CFAP69: variants seen among roughly 807,000 people sequenced by gnomAD.
The protein encoded by CFAP69 is cilia- and flagella-associated protein 69.
A neutral mutation model predicts 123.0 loss-of-function variants in CFAP69; 92 were observed. The ratio of observed to expected loss-of-function variants is 0.75; its 90% CI spans 0.63 to 0.89. CFAP69 has a LOEUF of 0.89. Among genes scored for constraint, CFAP69 ranks in the 40% least tolerant of loss-of-function variants. CFAP69 has a pLI of 0.00. For synonymous variants in CFAP69, 380 were observed against 364.3 expected (o/e 1.04, Z -0.49); for missense variants, 1,067 against 1,096.9 (o/e 0.97, Z 0.39).
chr7:90,310,170 G>A lies in CFAP69; in HGVS notation c.2758G>A (p.Gly920Arg), dbSNP rs1232008916. The A allele has an allele frequency of 1.2e-5, 20 of 1,613,818 alleles. No individual in the cohort carries two copies. Among genetic ancestry groups the A allele is most frequent in the South Asian group, 3.3e-5 (3 of 91,070 alleles). ...DIALKKLPIR[G>R]GALQRVKAVK... ...TGCTCTTAAAAAACTGCCCATTCGA[G>A]GAGGAGCCTTGCAGAGGGTGAAAGC... The change falls in exon 23 of 23, where the codon GGA (glycine) becomes AGA (arginine). Residue 920 changes from glycine (G) to arginine (R), a missense_variant. Physicochemically the swap from Gly to Arg is moderately radical, Grantham distance 125. Transcript: ENST00000389297.
chr7:90,281,048 A>G (rs1006880590), intron 12 of CFAP69, among the ~76,000 whole-genome samples: 4 of 152,242 alleles, frequency 2.6e-5, no homozygotes, highest in Non-Finnish European at 5.9e-5. Flanking sequence ...AGAAAGACTG[A>G]TAGCTAATAG....
chr7:90,274,030 A>T lies in CFAP69; in HGVS notation c.904A>T (p.Ser302Cys). ...TAAAAATCTGTTTATGAGAGGTTTCAGTCATTATGACCGTCAGCTTAGAAA... is the reference window on the plus strand; with the variant it reads ...TAAAAATCTGTTTATGAGAGGTTTCTGTCATTATGACCGTCAGCTTAGAAA... Reference protein sequence around the residue: ...VFKNLFMRGFSHYDRQLRNDI... With the variant: ...VFKNLFMRGFCHYDRQLRNDI... Residue 302 changes from serine (S) to cysteine (C), a missense_variant, in exon 9 of 23, where the codon AGT (serine) becomes TGT (cysteine). Transcript: ENST00000389297. The T allele has an allele frequency of 1.9e-6, 3 of 1,605,802 alleles. No homozygotes were observed. The highest frequency in any genetic ancestry group is 2.5e-6 in the Non-Finnish European group (3 of 1,176,848).
chr7:90,248,809 G>A (rs1796619679), intron 1 of CFAP69, among the ~76,000 whole-genome samples: 1 of 152,028 alleles, frequency 6.6e-6, no homozygotes, highest in African/African-American at 2.4e-5. Context: ...AATTTTGGTG[G>A]CCATTTTCTA....
intron 1 of CFAP69, among the ~76,000 whole-genome samples, chr7:90,247,851 C>A (rs1213592900): frequency 6.6e-6 from 1 of 151,916 alleles, no homozygotes; most frequent in Non-Finnish European, 1.5e-5. Flanking sequence ...CTCAAAAAAA[C>A]AAAACAAAAC....
intron 13 of CFAP69, among the ~76,000 whole-genome samples, chr7:90,283,587 G>A (rs866126053): frequency 1.3e-5 from 2 of 152,056 alleles, no homozygotes; most frequent in Non-Finnish European, 2.9e-5. Flanking sequence ...TACCCTATAC[G>A]TCATCAATTA....
chr7:90,268,427 G>A, intron 6 of CFAP69, 43 bp downstream of exon 6: 5 of 1,354,866 alleles, frequency 3.7e-6, no homozygotes, highest in Non-Finnish European at 3.1e-6. Context: ...TGTGTATGTA[G>A]AAAACAGAAC....
At chr7:90,261,847 A>G in intron 3 of CFAP69, 100 bp from the exon 4 acceptor site, 1 of 576,562 alleles carries the variant, frequency 1.7e-6, no homozygotes, top group Non-Finnish European at 2.8e-6. Context: ...ATTTGGCAAA[A>G]TAGTTGGAAT....
chr7:90,315,474 C>T (rs559583002), downstream of CFAP69, among the ~76,000 whole-genome samples: 3 of 152,194 alleles, frequency 2.0e-5, no homozygotes, highest in African/African-American at 7.2e-5. Flanking sequence ...GAGGTGGAGG[C>T]CATTATCCCT....
At position 90,262,107 on chromosome 7, in the gene CFAP69, T is replaced by C; in HGVS notation, c.356+51T>C. 2.6e-6 allele frequency: 3 copies of C among 1,155,848 alleles called. No individual in the cohort carries two copies. The African/African-American group carries it at 4.7e-5, about 18-fold the overall frequency. 71.6% of individuals were successfully genotyped at this position (1,155,848 alleles called of 1,614,324 possible). On this transcript the variant is annotated intron_variant, in intron 4 of 22. Coordinates refer to ENST00000389297, the MANE Select transcript of CFAP69 (RefSeq NM_001039706.3). ...TTTGTAGTAACATGGAGTATTTTAT[T>C]ATGTTTCTTATATCACAAACATACT...
intron 14 of CFAP69, among the ~76,000 whole-genome samples, chr7:90,286,906 G>C (rs1309251800): frequency 6.6e-6 from 1 of 151,798 alleles, no homozygotes; most frequent in Admixed American, 6.6e-5. Context: ...TGGCCAACAT[G>C]GTGAAACCTC....
At chr7:90,286,447 A>G in intron 14 of CFAP69, 48 bp downstream of exon 14, 1 of 1,564,096 alleles carries the variant, frequency 6.4e-7, no homozygotes, top group Non-Finnish European at 8.6e-7. Flanking sequence ...GTCACCTAAC[A>G]CTATAAACTA....
At chr7:90,248,499 A>G (rs1356339988) in intron 1 of CFAP69, among the ~76,000 whole-genome samples, 2 of 152,204 alleles carry the variant, frequency 1.3e-5, no homozygotes, top group African/African-American at 2.4e-5. Context: ...AGAGTATTAG[A>G]TTTTTCTAAC....
chr7:90,310,050 T>A lies in CFAP69; in HGVS notation c.2656-18T>A. 6.3e-7 allele frequency: 1 copy of A among 1,596,326 alleles called. No individual in the cohort carries two copies. The highest frequency in any genetic ancestry group is 1.3e-5 in the African/African-American group (1 of 74,360). On this transcript the variant is annotated intron_variant, in intron 22 of 22. Transcript: ENST00000389297. ...TTGTGTAAATGGACTTTTAGATATT[T>A]ACCTTTTGCCTTTTTAGGTGCCCTC...
chr7:90,288,429 A>G (rs890277070), intron 15 of CFAP69, 77 bp downstream of exon 15: 4 of 1,496,702 alleles, frequency 2.7e-6, no homozygotes, highest in Non-Finnish European at 3.6e-6. Context: ...ATACTTTCTG[A>G]GAAATGTTTC....
At chr7:90,297,186 AAG>A (rs1022651222) in intron 15 of CFAP69, among the ~76,000 whole-genome samples, 1 of 152,156 alleles carries the variant, frequency 6.6e-6, no homozygotes, top group Non-Finnish European at 1.5e-5. Flanking sequence ...CATTGCTGTG[AAG>A]AGTCTGTTTT....
intron 6 of CFAP69, among the ~76,000 whole-genome samples, chr7:90,269,171 T>C (rs530178447): frequency 6.8e-4 from 103 of 150,612 alleles, no homozygotes; most frequent in African/African-American, 2.5e-3. Context: ...ACTAGAGAAA[T>C]GAATAAGGAG....
intron 3 of CFAP69, among the ~76,000 whole-genome samples, chr7:90,259,470 GT>G (rs1798038613): frequency 3.2e-5 from 4 of 126,878 alleles, no homozygotes; most frequent in Admixed American, 1.5e-4. Context: ...TTGTTTTGGG[GT>G]GTTTGTTTGT....
intron 19 of CFAP69, among the ~76,000 whole-genome samples, chr7:90,306,034 C>T (rs995172731): frequency 6.7e-6 from 1 of 149,808 alleles, no homozygotes; most frequent in African/African-American, 2.5e-5. Flanking sequence ...CCTCAACCTC[C>T]CAGGCTCATT....
chr7:90,299,512 C>G (rs908443310), intron 16 of CFAP69, among the ~76,000 whole-genome samples: 6 of 152,056 alleles, frequency 3.9e-5, no homozygotes, highest in Non-Finnish European at 5.9e-5. Flanking sequence ...TGGAAAGATC[C>G]TGTAATTACA....
Sources: allele counts gnomAD v4.1 joint callset (sites outside exome capture counted in the v4.1 genomes callset), GRCh38; gene constraint gnomAD v4.1.1; transcripts MANE v1.5; gene names NCBI Gene and HGNC (gene_info 2026-07-23, HGNC 2026-07-21).